ZMAT3: variants seen among roughly 807,000 people sequenced by gnomAD.
ZMAT3 encodes zinc finger matrin-type protein 3.
Under a neutral mutation model 32.3 loss-of-function variants are expected in ZMAT3, and 17 were observed. That is an observed-to-expected ratio of 0.53 (90% CI 0.36 to 0.79). The LOEUF (loss-of-function observed/expected upper bound fraction) is 0.79. Ranked by LOEUF, ZMAT3 falls within the 30% of genes least tolerant of loss-of-function variation. ZMAT3 has a pLI of 0.00. For synonymous variants in ZMAT3, 120 were observed against 133.1 expected, an observed-to-expected ratio of 0.90 and a Z score of 0.68; for missense variants, 329 against 359.7, an observed-to-expected ratio of 0.91 and a Z score of 0.69.
rs1306935797 is a variant in ZMAT3 at position 179,071,603 on chromosome 3, C to G, written c.-66G>C. The G allele has an allele frequency of 2.6e-5, 4 of 152,128 alleles. No homozygotes were observed. The highest frequency in any genetic ancestry group is 9.7e-5 in the African/African-American group (4 of 41,436). 9.4% of individuals were successfully genotyped at this position (152,128 alleles called of 1,614,324 possible). A position where few individuals can be genotyped will look rare whatever the true frequency, so the allele number is the denominator to read the frequency against. On this transcript the variant is annotated 5_prime_UTR_variant, in exon 1 of 6. Coordinates refer to ENST00000311417, the MANE Select transcript of ZMAT3 (RefSeq NM_022470.4). ...CAATCGCCCGCACTTACCGGAACCC[C>G]CGGGACGCGCCGGCAGTCTCCGCGC... is the stretch of plus-strand genomic sequence containing the variant.
At chr3:179,036,160 C>T (rs1231923592) in intron 2 of ZMAT3, among the ~76,000 whole-genome samples, 1 of 152,138 alleles carries the variant, frequency 6.6e-6, no homozygotes. Flanking sequence ...AGATGAGCAT[C>T]AGGGTAGCAG....
At position 179,067,588 on chromosome 3, in the gene ZMAT3, C is replaced by G. The variant is rs749738472; in HGVS notation, c.165G>C (p.Lys55Asn). The G allele has an allele frequency of 2.1e-5, 34 of 1,614,098 alleles. No individual in the cohort carries two copies. The highest frequency in any genetic ancestry group is 2.9e-5 in the Non-Finnish European group (34 of 1,180,044). The change falls in exon 2 of 6, where the codon AAG (lysine) becomes AAC (asparagine). Residue 55 changes from lysine (K) to asparagine (N), a missense_variant. Lys to Asn is a moderately conservative substitution (Grantham distance 94, BLOSUM62 0). Transcript: ENST00000311417. The stretch of plus-strand genomic sequence containing the variant: ...CCAGGGCACAGTCTTGCTCCCCTCC[C>G]TTCGATAACTCTTCTTCCCCTGCAA... ...LPLAGEEELS[K>N]GGEQDCALEE...
intron 2 of ZMAT3, among the ~76,000 whole-genome samples, chr3:179,048,608 C>T (rs982112694): frequency 6.6e-6 from 1 of 152,140 alleles, no homozygotes; most frequent in African/African-American, 2.4e-5. Flanking sequence ...AGACAAAAAA[C>T]TTCTGAGAGA....
intron 2 of ZMAT3, among the ~76,000 whole-genome samples, chr3:179,053,140 T>C (rs923155697): frequency 6.6e-6 from 1 of 150,962 alleles, no homozygotes; most frequent in African/African-American, 2.4e-5. Context: ...AAAAATAAAA[T>C]AAAATAAATC....
At chr3:179,041,714 G>A (rs1311521526) in intron 2 of ZMAT3, among the ~76,000 whole-genome samples, 1 of 151,916 alleles carries the variant, frequency 6.6e-6, no homozygotes, top group Non-Finnish European at 1.5e-5. Flanking sequence ...GCTAGCAGAA[G>A]GCAAGAAATA....
At chr3:179,053,238 AT>A (rs1429882885) in intron 2 of ZMAT3, among the ~76,000 whole-genome samples, 1 of 150,370 alleles carries the variant, frequency 6.7e-6, no homozygotes, top group African/African-American at 2.4e-5. Context: ...TAGATATAAA[AT>A]ATATCTACAA....
In ZMAT3 at chr3:179,021,817, T is replaced by A. The variant is rs1281508110; in HGVS notation, c.*3200A>T. 6.6e-6 allele frequency: 1 copy of A among 152,234 alleles called. No individual in the cohort carries two copies. Among genetic ancestry groups the A allele is most frequent in the Non-Finnish European group, 1.5e-5 (1 of 68,030 alleles). 9.4% of individuals were successfully genotyped at this position (152,234 alleles called of 1,614,324 possible). On this transcript the variant is annotated 3_prime_UTR_variant, in exon 6 of 6. Transcript: ENST00000311417. ...ATGCAGAGATGTATCTATTTAGGCA[T>A]TTCCTGCCTGATAACCTCTGTCACC... is the stretch of plus-strand genomic sequence containing the variant.
chr3:179,048,921 T>G (rs1272506251), intron 2 of ZMAT3, among the ~76,000 whole-genome samples: 1 of 152,168 alleles, frequency 6.6e-6, no homozygotes, highest in Non-Finnish European at 1.5e-5. Flanking sequence ...TCTGCTATCT[T>G]CAAGAGACTC....
intron 2 of ZMAT3, among the ~76,000 whole-genome samples, chr3:179,039,736 GGTGACAGAA>G (rs769348431): frequency 2.2e-4 from 33 of 152,312 alleles, no homozygotes; most frequent in Non-Finnish European, 2.6e-4. Flanking sequence ...ACTCTGACGA[GGTGACAGAA>G]GTAGACTTCA....
Position 179,018,102 on chromosome 3 carries a change from A to T in ZMAT3, c.*6915T>A, listed in dbSNP as rs1205117236. ...AGAGTTTTGTTCCTATACATGCCATATTTGCAGAGTAGAAACAAACTGCCC... is the reference window on the plus strand; with the variant it reads ...AGAGTTTTGTTCCTATACATGCCATTTTTGCAGAGTAGAAACAAACTGCCC... On this transcript the variant is annotated 3_prime_UTR_variant, in exon 6 of 6. Transcript: ENST00000311417. The T allele has an allele frequency of 6.6e-6, 1 of 152,148 alleles. No individual in the cohort carries two copies. Among genetic ancestry groups the T allele is most frequent in the East Asian group, 1.9e-4 (1 of 5,192 alleles). The allele number at this position is 152,148 out of a possible 1,614,324, so 9.4% of individuals were successfully genotyped here. A position where few individuals can be genotyped will look rare whatever the true frequency, so the allele number is the denominator to read the frequency against.
At chr3:179,030,405 A>G (rs1576839392) in intron 3 of ZMAT3, among the ~76,000 whole-genome samples, 1 of 138,748 alleles carries the variant, frequency 7.2e-6, no homozygotes, top group East Asian at 2.1e-4. Flanking sequence ...CCCAGGCTGG[A>G]GTGCAGTGGT....
chr3:179,039,004 G>C (rs562898253), intron 2 of ZMAT3, among the ~76,000 whole-genome samples: 209 of 152,388 alleles, frequency 1.4e-3, no homozygotes, highest in African/African-American at 4.8e-3. Context: ...AGCCTGGCTG[G>C]GGGAGGGGCC....
chr3:179,061,331 G>A (rs1019286848), intron 2 of ZMAT3, among the ~76,000 whole-genome samples: 1 of 151,870 alleles, frequency 6.6e-6, no homozygotes, highest in Non-Finnish European at 1.5e-5. Context: ...AGGGGAGAAC[G>A]ATAATATGAA....
intron 1 of ZMAT3, among the ~76,000 whole-genome samples, chr3:179,068,605 A>G (rs1721547063): frequency 6.6e-6 from 1 of 152,218 alleles, no homozygotes; most frequent in Admixed American, 6.5e-5. Flanking sequence ...ATCATCTTGC[A>G]GAATTCTTAA....
chr3:179,034,994 T>C (rs1454041143), intron 2 of ZMAT3, among the ~76,000 whole-genome samples: 1 of 152,232 alleles, frequency 6.6e-6, no homozygotes, highest in African/African-American at 2.4e-5. Flanking sequence ...CTAATTGGTC[T>C]CTGCTGTTAA....
intron 2 of ZMAT3, among the ~76,000 whole-genome samples, chr3:179,051,622 C>T (rs577544969): frequency 4.6e-5 from 7 of 152,014 alleles, no homozygotes; most frequent in Non-Finnish European, 8.8e-5. Flanking sequence ...AAAATACCAT[C>T]ATCAAATTCA....
chr3:179,057,704 C>T (rs1413001833), intron 2 of ZMAT3, among the ~76,000 whole-genome samples: 2 of 152,222 alleles, frequency 1.3e-5, no homozygotes, highest in East Asian at 1.9e-4. Context: ...TATCCAAAGG[C>T]ACCAGGGCCC....
At chr3:179,028,191 CTCTT>C (rs1465242076) in intron 3 of ZMAT3, among the ~76,000 whole-genome samples, 1 of 152,174 alleles carries the variant, frequency 6.6e-6, no homozygotes, top group Non-Finnish European at 1.5e-5. Context: ...TGACTGTTAA[CTCTT>C]TATCAGGGTT....
chr3:179,023,354 A>G lies in ZMAT3; in HGVS notation c.*1663T>C, dbSNP rs1718651294. 2.6e-5 allele frequency: 4 copies of G among 152,060 alleles called. No homozygotes were observed. The highest frequency in any genetic ancestry group is 2.6e-4 in the Admixed American group (4 of 15,268). 9.4% of individuals were successfully genotyped at this position (152,060 alleles called of 1,614,324 possible). On this transcript the variant is annotated 3_prime_UTR_variant, in exon 6 of 6. Coordinates refer to ENST00000311417, the MANE Select transcript of ZMAT3 (RefSeq NM_022470.4). ...AGTGATCTATCATATACTTGTTAGTATCTTCAAGAAAGCCGAATTACAAAG... is the reference window on the plus strand; with the variant it reads ...AGTGATCTATCATATACTTGTTAGTGTCTTCAAGAAAGCCGAATTACAAAG...
Sources: allele counts gnomAD v4.1 joint callset (sites outside exome capture counted in the v4.1 genomes callset), GRCh38; gene constraint gnomAD v4.1.1; transcripts MANE v1.5; gene names NCBI Gene and HGNC (gene_info 2026-07-23, HGNC 2026-07-21).